The following XKR4 variants were observed in gnomAD, a reference collection of about 807,000 sequenced individuals.
XKR4 encodes XK-related protein 4.
Under a neutral mutation model 53.9 loss-of-function variants are expected in XKR4, and 12 were observed. The ratio of observed to expected loss-of-function variants is 0.22; its 90% CI spans 0.14 to 0.36. The LOEUF (loss-of-function observed/expected upper bound fraction) is 0.36. Among genes scored for constraint, XKR4 ranks in the 10% least tolerant of loss-of-function variants. XKR4 has a pLI of 1.00. For missense variants in XKR4, 799 were observed against 859.5 expected, an observed-to-expected ratio of 0.93 and a Z score of 0.88; for synonymous variants, 354 against 362.4, an observed-to-expected ratio of 0.98 and a Z score of 0.26.
chr8:55,379,121 T>A (rs1804194473), intron 2 of XKR4, among the ~76,000 whole-genome samples: 1 of 152,174 alleles, frequency 6.6e-6, no homozygotes, highest in Admixed American at 6.5e-5. Context: ...ATTAAGTCAG[T>A]GATAGGGCTT....
chr8:55,145,298 G>A (rs921695751), intron 1 of XKR4, among the ~76,000 whole-genome samples: 3 of 152,028 alleles, frequency 2.0e-5, no homozygotes, highest in African/African-American at 7.2e-5. Flanking sequence ...TTCTCTTCTT[G>A]AATGCTCCTC....
chr8:55,253,819 C>T (rs1009029282), intron 1 of XKR4, among the ~76,000 whole-genome samples: 2 of 150,958 alleles, frequency 1.3e-5, no homozygotes, highest in Non-Finnish European at 2.9e-5. Flanking sequence ...CTGCAGCCTC[C>T]ACCTCCCATG....
chr8:55,199,539 T>C (rs1186167361), intron 1 of XKR4, among the ~76,000 whole-genome samples: 1 of 152,234 alleles, frequency 6.6e-6, no homozygotes, highest in African/African-American at 2.4e-5. Flanking sequence ...GTCCCCATTG[T>C]GCAGATGAGG....
intron 1 of XKR4, among the ~76,000 whole-genome samples, chr8:55,125,408 A>G (rs1045841534): frequency 1.3e-5 from 2 of 151,914 alleles, no homozygotes; most frequent in Non-Finnish European, 2.9e-5. Context: ...CTAATTTTGT[A>G]TTTTTAGTAG....
At chr8:55,325,254 A>G (rs1803275423) in intron 1 of XKR4, among the ~76,000 whole-genome samples, 1 of 152,184 alleles carries the variant, frequency 6.6e-6, no homozygotes, top group Non-Finnish European at 1.5e-5. Context: ...AAAAATGGAG[A>G]AGAAACTGTT....
chr8:55,307,060 A>G (rs2129377714), intron 1 of XKR4, among the ~76,000 whole-genome samples: 1 of 152,288 alleles, frequency 6.6e-6, no homozygotes, highest in South Asian at 2.1e-4. Context: ...ATAGGAGAAA[A>G]TATTTGAGAC....
At chr8:55,436,392 A>G (rs1805177768) in intron 2 of XKR4, among the ~76,000 whole-genome samples, 1 of 152,220 alleles carries the variant, frequency 6.6e-6, no homozygotes. Context: ...GGAATTTAAA[A>G]ATAAATGTAT....
intron 1 of XKR4, among the ~76,000 whole-genome samples, chr8:55,199,842 T>C (rs1037899636): frequency 1.3e-5 from 2 of 152,250 alleles, no homozygotes; most frequent in African/African-American, 4.8e-5. Context: ...TTATTTGCAT[T>C]GTTTTTTAAT....
At chr8:55,345,439 G>C (rs555734829) in intron 1 of XKR4, among the ~76,000 whole-genome samples, 2 of 152,204 alleles carry the variant, frequency 1.3e-5, no homozygotes, top group African/African-American at 2.4e-5. Flanking sequence ...ACTGAAATAT[G>C]ATCTTCTTTG....
At chr8:55,461,126 G>A (rs1445618167) in intron 2 of XKR4, among the ~76,000 whole-genome samples, 1 of 152,210 alleles carries the variant, frequency 6.6e-6, no homozygotes, top group Non-Finnish European at 1.5e-5. Flanking sequence ...GAAGAGAGTA[G>A]TGGTTCTCTC....
chr8:55,363,305 C>G (rs999667173), intron 2 of XKR4, among the ~76,000 whole-genome samples: 10 of 152,104 alleles, frequency 6.6e-5, no homozygotes, highest in Non-Finnish European at 1.5e-4. Flanking sequence ...CCTTCATATT[C>G]TAGAAGAATA....
rs572540752 is a variant in XKR4, at chr8:55,512,541, A to G, written c.1007-10740A>G. 2.6e-5 allele frequency among the ~76,000 whole-genome samples: 4 copies of G among 152,318 alleles called. No homozygotes were observed. In the East Asian group the frequency reaches 7.7e-4, roughly 29 times the overall value. ...GGGTTCTCTCTTCTCTACACTGCTC[A>G]CTATGCTGTAAATATGTATGTTGCA... On this transcript the variant is annotated intron_variant, in intron 2 of 2. Coordinates refer to ENST00000327381, the MANE Select transcript of XKR4 (RefSeq NM_052898.2).
At chr8:55,140,040 C>A in intron 1 of XKR4, 1 of 290,764 alleles carries the variant, frequency 3.4e-6, no homozygotes, top group Non-Finnish European at 6.8e-6. Flanking sequence ...GAGACTCTTA[C>A]TGAGAAAGAT....
At chr8:55,244,580 C>T (rs1307004858) in intron 1 of XKR4, among the ~76,000 whole-genome samples, 3 of 152,144 alleles carry the variant, frequency 2.0e-5, no homozygotes, top group African/African-American at 7.2e-5. Context: ...TGCGTATATA[C>T]CTAATAATGG....
At chr8:55,371,780 A>G (rs1804073070) in intron 2 of XKR4, among the ~76,000 whole-genome samples, 1 of 152,232 alleles carries the variant, frequency 6.6e-6, no homozygotes. Flanking sequence ...TATACTTAGA[A>G]GAACAGAAAG....
intron 1 of XKR4, among the ~76,000 whole-genome samples, chr8:55,239,994 G>T (rs1818186749): frequency 6.6e-6 from 1 of 152,308 alleles, no homozygotes; most frequent in East Asian, 1.9e-4. Context: ...CTGTGAGTGT[G>T]TATATCTACC....
intron 2 of XKR4, among the ~76,000 whole-genome samples, chr8:55,409,719 G>T (rs1489815802): frequency 6.6e-6 from 1 of 152,094 alleles, no homozygotes; most frequent in Non-Finnish European, 1.5e-5. Flanking sequence ...CCTATGCTTA[G>T]ATGGCATACA....
intron 2 of XKR4, among the ~76,000 whole-genome samples, chr8:55,511,226 C>G (rs1585613076): frequency 6.6e-6 from 1 of 152,278 alleles, no homozygotes; most frequent in East Asian, 1.9e-4. Flanking sequence ...CCCCTGAACC[C>G]CGCAGGCCAA....
At chr8:55,217,672 C>T (rs943727518) in intron 1 of XKR4, among the ~76,000 whole-genome samples, 1 of 152,046 alleles carries the variant, frequency 6.6e-6, no homozygotes, top group African/African-American at 2.4e-5. Flanking sequence ...GATACAGGCT[C>T]GTTGCTGAAG....
Sources: allele counts gnomAD v4.1 joint callset (sites outside exome capture counted in the v4.1 genomes callset), GRCh38; gene constraint gnomAD v4.1.1; transcripts MANE v1.5; gene names NCBI Gene and HGNC (gene_info 2026-07-23, HGNC 2026-07-21).